Variants in MIB1 observed in about 807,000 individuals in gnomAD.
MIB1 encodes E3 ubiquitin-protein ligase MIB1.
In MIB1, 278 loss-of-function variants were observed where a neutral mutation model predicts 124.5. The ratio of observed to expected loss-of-function variants is 2.23; its 90% CI spans 2.02 to 2.47. The LOEUF (loss-of-function observed/expected upper bound fraction) is 2.47, where lower values mean the gene tolerates loss of function less well. Among genes scored for constraint, MIB1 ranks in the 30% most tolerant of loss-of-function variants. MIB1 has a pLI of 0.00. For synonymous variants in MIB1, 446 were observed against 429.4 expected, an observed-to-expected ratio of 1.04 and a Z score of -0.48; for missense variants, 957 against 1,254.4, an observed-to-expected ratio of 0.76 and a Z score of 3.58.
intron 15 of MIB1, among the ~76,000 whole-genome samples, chr18:21,845,740 C>G (rs2042129396): frequency 6.6e-6 from 1 of 152,138 alleles, no homozygotes; most frequent in Non-Finnish European, 1.5e-5. Flanking sequence ...TCTCCTGCCT[C>G]AGCCTCCCAA....
intron 6 of MIB1, among the ~76,000 whole-genome samples, chr18:21,790,232 G>C (rs987885071): frequency 2.0e-5 from 3 of 152,146 alleles, no homozygotes; most frequent in Non-Finnish European, 4.4e-5. Context: ...TGTATGCTTT[G>C]ATCAGATAGT....
intron 7 of MIB1, among the ~76,000 whole-genome samples, chr18:21,794,314 G>A (rs924294894): frequency 6.6e-6 from 1 of 152,030 alleles, no homozygotes; most frequent in African/African-American, 2.4e-5. Flanking sequence ...TAAGCTGGAA[G>A]GAACACAGAG....
At chr18:21,834,025 A>G (rs1348172046) in intron 12 of MIB1, among the ~76,000 whole-genome samples, 1 of 152,144 alleles carries the variant, frequency 6.6e-6, no homozygotes, top group Non-Finnish European at 1.5e-5. Flanking sequence ...AGCTGGTAAC[A>G]CCTTTTTCCC....
At chr18:21,724,710 T>A (rs1205698657) in intron 1 of MIB1, among the ~76,000 whole-genome samples, 2 of 19,898 alleles carry the variant, frequency 1.0e-4, no homozygotes, top group African/African-American at 4.6e-4. Flanking sequence ...GTCTCCCCCA[T>A]CCAAAAAAAA....
chr18:21,782,159 G>A (rs1482894455), intron 6 of MIB1, among the ~76,000 whole-genome samples: 1 of 151,994 alleles, frequency 6.6e-6, no homozygotes, highest in East Asian at 1.9e-4. Flanking sequence ...TTTCGCTCTT[G>A]TTGCCCAGGC....
chr18:21,839,948 A>C (rs1472210844), intron 13 of MIB1, among the ~76,000 whole-genome samples: 1 of 152,172 alleles, frequency 6.6e-6, no homozygotes, highest in Non-Finnish European at 1.5e-5. Context: ...CCAGCTACTC[A>C]GGAGGCTGAA....
chr18:21,846,976 GA>G lies in MIB1; in HGVS notation c.2246del (p.Lys749ArgfsTer18). 5.0e-6 allele frequency: 8 copies of G among 1,614,096 alleles called. No homozygotes were observed. The highest frequency in any genetic ancestry group is 6.8e-6 in the Non-Finnish European group (8 of 1,179,992). On this transcript the variant is annotated frameshift_variant, in exon 16 of 21. Coordinates refer to ENST00000261537, the MANE Select transcript of MIB1 (RefSeq NM_020774.4). LOFTEE classifies it high-confidence loss of function. ...TGGGACTTGGTACCCAGGGGGCAGA[GA>G]AGAAGAGTGCAGCATCTATTGCCTG... is the stretch of plus-strand genomic sequence containing the variant. ...IMGLGTQGAE[K>X]KSAASIACFL...
Position 21,869,765 on chromosome 18 carries a change from A to G in MIB1, c.*5099A>G, listed in dbSNP as rs1598651262. ...GTATGAAAGGAGGATCTGTTTGGGA[A>G]ACATAGATTGTCTTCCCCTCAAATG... On this transcript the variant is annotated 3_prime_UTR_variant, in exon 21 of 21. Coordinates refer to ENST00000261537, the MANE Select transcript of MIB1 (RefSeq NM_020774.4). 1.3e-5 allele frequency: 2 copies of G among 148,672 alleles called. No individual in the cohort carries two copies. The highest frequency in any genetic ancestry group is 5.0e-5 in the African/African-American group (2 of 40,224). 9.2% of individuals were successfully genotyped at this position (148,672 alleles called of 1,614,324 possible).
In MIB1 at chr18:21,854,195, A is replaced by AG. The variant is rs1731557724; in HGVS notation, c.2665+979dup. Among the ~76,000 whole-genome samples, 5 of 152,318 alleles carry AG rather than the reference A, an allele frequency of 3.3e-5. No homozygotes were observed. The South Asian group carries it at 1.0e-3, about 32-fold the overall frequency. ...GAGAATTCTCTGTCTTAAGTAAAAA[A>AG]GGACTCAGGTTACTTAAGTTTTCAT... On this transcript the variant is annotated intron_variant, in intron 18 of 20. Transcript: ENST00000261537.
intron 1 of MIB1, among the ~76,000 whole-genome samples, chr18:21,764,813 A>C (rs2041138237): frequency 6.6e-6 from 1 of 152,210 alleles, no homozygotes; most frequent in Admixed American, 6.5e-5. Context: ...CTTTTCAAGG[A>C]CATAAAAGTA....
chr18:21,742,648 T>A (rs766705299), intron 1 of MIB1, among the ~76,000 whole-genome samples: 10 of 152,216 alleles, frequency 6.6e-5, no homozygotes, highest in Non-Finnish European at 1.5e-4. Flanking sequence ...AACCAAAGGC[T>A]TGCTTTCACA....
intron 9 of MIB1, among the ~76,000 whole-genome samples, chr18:21,803,566 T>C (rs957378031): frequency 2.6e-5 from 4 of 152,240 alleles, no homozygotes; most frequent in Non-Finnish European, 1.5e-5. Context: ...GTGCTTTTTT[T>C]CATTGAACCA....
chr18:21,746,823 T>C (rs2040917527), intron 1 of MIB1, among the ~76,000 whole-genome samples: 1 of 152,204 alleles, frequency 6.6e-6, no homozygotes. Context: ...TCTTTGTCCT[T>C]GTCTTTGACC....
chr18:21,834,486 T>C (rs2146495428), intron 12 of MIB1, among the ~76,000 whole-genome samples: 1 of 152,280 alleles, frequency 6.6e-6, no homozygotes, highest in Middle Eastern at 3.4e-3. Flanking sequence ...ATGTTTACAT[T>C]GGAGAAACAT....
chr18:21,858,501 G>A (rs777282029), intron 19 of MIB1, 45 bp from the exon 20 acceptor site: 2 of 847,322 alleles, frequency 2.4e-6, no homozygotes, highest in Non-Finnish European at 3.9e-6. Flanking sequence ...ATGTCATTCT[G>A]TCAAAGCAAT....
At chr18:21,819,356 A>G in intron 11 of MIB1, 139 bp from the exon 12 acceptor site, 1 of 559,712 alleles carries the variant, frequency 1.8e-6, no homozygotes, top group South Asian at 2.7e-5. Context: ...ATATTTTTGT[A>G]GTTATCACAG....
intron 1 of MIB1, among the ~76,000 whole-genome samples, chr18:21,728,112 T>C (rs2040751047): frequency 6.6e-6 from 1 of 152,204 alleles, no homozygotes; most frequent in Non-Finnish European, 1.5e-5. Flanking sequence ...TCTGGTACCT[T>C]CAACTACCCA....
intron 1 of MIB1, among the ~76,000 whole-genome samples, chr18:21,732,709 C>T (rs1017608438): frequency 3.9e-5 from 6 of 151,966 alleles, no homozygotes; most frequent in East Asian, 1.9e-4. Flanking sequence ...AGGAAACAAA[C>T]GATTTTTTAA....
intron 1 of MIB1, among the ~76,000 whole-genome samples, chr18:21,750,528 C>T (rs753902460): frequency 1.3e-5 from 2 of 152,154 alleles, no homozygotes; most frequent in Non-Finnish European, 2.9e-5. Flanking sequence ...GGGGTTTCAC[C>T]GTGTTAGCCA....
Sources: allele counts gnomAD v4.1 joint callset (sites outside exome capture counted in the v4.1 genomes callset), GRCh38; gene constraint gnomAD v4.1.1; transcripts MANE v1.5; gene names NCBI Gene and HGNC (gene_info 2026-07-23, HGNC 2026-07-21).